The following ANO4 variants were observed in gnomAD, a reference collection of about 807,000 sequenced individuals.
ANO4 encodes the protein anoctamin 4.
In ANO4, 69 loss-of-function variants were observed where a neutral mutation model predicts 141.9. The ratio of observed to expected loss-of-function variants is 0.49; its 90% CI spans 0.40 to 0.59. The LOEUF (loss-of-function observed/expected upper bound fraction) is 0.59, where lower values mean the gene tolerates loss of function less well. Ranked by LOEUF, ANO4 falls within the 20% of genes least tolerant of loss-of-function variation. The pLI is 0.00. For synonymous variants in ANO4, 350 were observed against 394.3 expected (o/e 0.89, Z 1.33); for missense variants, 894 against 1,162.2 (o/e 0.77, Z 3.36).
chr12:100,925,072 A>C (rs1052320849), intron 3 of ANO4, among the ~76,000 whole-genome samples: 1 of 152,078 alleles, frequency 6.6e-6, no homozygotes, highest in African/African-American at 2.4e-5. Context: ...TTGCTTTGGA[A>C]CTAATTTATT....
chr12:100,732,980 T>C (rs549516413), intron 1 of ANO4, among the ~76,000 whole-genome samples: 85 of 152,330 alleles, frequency 5.6e-4, no homozygotes, highest in African/African-American at 2.0e-3. Flanking sequence ...TTTGAGGGCA[T>C]TGCATCTGCC....
chr12:100,869,445 A>G (rs2135920876), intron 1 of ANO4, among the ~76,000 whole-genome samples: 1 of 152,294 alleles, frequency 6.6e-6, no homozygotes, highest in Admixed American at 6.5e-5. Context: ...AGGGAGGACA[A>G]ATCTGTCCCC....
chr12:100,890,977 A>C (rs2040077415), intron 1 of ANO4, among the ~76,000 whole-genome samples: 1 of 152,098 alleles, frequency 6.6e-6, no homozygotes, highest in South Asian at 2.1e-4. Flanking sequence ...CGTGGCAACC[A>C]CTGATCTTTT....
chr12:100,992,066 C>T (rs2045146942), intron 8 of ANO4, among the ~76,000 whole-genome samples: 1 of 152,140 alleles, frequency 6.6e-6, no homozygotes, highest in African/African-American at 2.4e-5. Context: ...ATTTTACATC[C>T]TAAATATCTC....
At chr12:100,987,465 G>A (rs1259085172) in intron 7 of ANO4, 74 bp from the exon 8 acceptor site, 43 of 1,562,342 alleles carry the variant, frequency 2.8e-5, no homozygotes, top group Non-Finnish European at 3.6e-5. Flanking sequence ...GTGGCTCTGC[G>A]GAGACCTTCC....
chr12:100,720,796 G>A (rs1313002089), intron 1 of ANO4, among the ~76,000 whole-genome samples: 1 of 152,008 alleles, frequency 6.6e-6, no homozygotes, highest in African/African-American at 2.4e-5. Flanking sequence ...GGTGTGCCTG[G>A]GCATGAAGAT....
upstream of ANO4, chr12:100,794,681 C>T (rs2034189349): frequency 6.6e-6 from 1 of 152,276 alleles, no homozygotes; most frequent in Non-Finnish European, 1.5e-5. Flanking sequence ...AGCCTAGTGC[C>T]CACCCTCCCC....
chr12:100,883,293 C>T (rs545289034), intron 1 of ANO4, among the ~76,000 whole-genome samples: 2 of 152,180 alleles, frequency 1.3e-5, no homozygotes, highest in Admixed American at 6.5e-5. Flanking sequence ...AGGAGAACTT[C>T]TTTAAAGATC....
chr12:101,075,822 C>T (rs1199281511), intron 14 of ANO4, among the ~76,000 whole-genome samples: 1 of 151,454 alleles, frequency 6.6e-6, no homozygotes, highest in Admixed American at 6.6e-5. Context: ...CAGTGTATAA[C>T]TAGGCACACT....
intron 9 of ANO4, among the ~76,000 whole-genome samples, chr12:101,023,856 G>T (rs138144470): frequency 9.2e-5 from 14 of 152,216 alleles, no homozygotes; most frequent in African/African-American, 3.4e-4. Flanking sequence ...GTAAATAAAA[G>T]AAATAATATG....
At chr12:100,772,945 A>G (rs1315045990) in intron 3 of ANO4, among the ~76,000 whole-genome samples, 2 of 152,212 alleles carry the variant, frequency 1.3e-5, no homozygotes, top group East Asian at 3.9e-4. Flanking sequence ...TCCCAATTCT[A>G]TCCTCTTCTT....
chr12:101,060,617 C>A (rs201327294), intron 14 of ANO4, among the ~76,000 whole-genome samples: 1 of 152,142 alleles, frequency 6.6e-6, no homozygotes, highest in Admixed American at 6.5e-5. Flanking sequence ...TGCATTGATC[C>A]CTTTACCATT....
At chr12:100,804,853 C>G (rs756478890) in intron 1 of ANO4, among the ~76,000 whole-genome samples, 1 of 151,968 alleles carries the variant, frequency 6.6e-6, no homozygotes, top group African/African-American at 2.4e-5. Context: ...GGAGATCAGA[C>G]CTTTGTCAGA....
At chr12:100,927,499 A>G (rs1281919325) in intron 3 of ANO4, among the ~76,000 whole-genome samples, 1 of 152,122 alleles carries the variant, frequency 6.6e-6, no homozygotes, top group Non-Finnish European at 1.5e-5. Flanking sequence ...AAATCCGAAC[A>G]TTTTAAGAGG....
chr12:100,968,028 A>G (rs1007848654), intron 5 of ANO4, among the ~76,000 whole-genome samples: 3 of 152,182 alleles, frequency 2.0e-5, no homozygotes, highest in Non-Finnish European at 4.4e-5. Flanking sequence ...CCACTCTCAC[A>G]GGGTTCATAT....
At chr12:100,845,217 G>A (rs929081033) in intron 1 of ANO4, among the ~76,000 whole-genome samples, 7 of 152,142 alleles carry the variant, frequency 4.6e-5, no homozygotes, top group African/African-American at 1.7e-4. Context: ...GGAAGCAGAT[G>A]GAGATGGTGA....
chr12:100,799,962 A>G (rs1019688351), intron 1 of ANO4, among the ~76,000 whole-genome samples: 1 of 152,076 alleles, frequency 6.6e-6, no homozygotes, highest in Non-Finnish European at 1.5e-5. Context: ...TTGTTCACAA[A>G]TCTGCTTTGT....
intron 14 of ANO4, among the ~76,000 whole-genome samples, chr12:101,078,231 G>A (rs2049101991): frequency 6.6e-6 from 1 of 152,082 alleles, no homozygotes; most frequent in Non-Finnish European, 1.5e-5. Flanking sequence ...CTAACTGCAT[G>A]ACAAGGCCCA....
At chr12:101,054,025 A>G (rs1365054116) in intron 14 of ANO4, among the ~76,000 whole-genome samples, 1 of 152,266 alleles carries the variant, frequency 6.6e-6, no homozygotes, top group Non-Finnish European at 1.5e-5. Flanking sequence ...TCTAGTACTC[A>G]GTCAAAATAT....
Sources: allele counts gnomAD v4.1 joint callset (sites outside exome capture counted in the v4.1 genomes callset), GRCh38; gene constraint gnomAD v4.1.1; transcripts MANE v1.5; gene names NCBI Gene and HGNC (gene_info 2026-07-23, HGNC 2026-07-21).